Variants in TAFA1 observed in about 807,000 individuals in gnomAD.
The protein encoded by TAFA1 is TAFA chemokine like family member 1, also known as chemokine-like protein TAFA-1.
A neutral mutation model predicts 18.5 loss-of-function variants in TAFA1; 4 were observed. That is an observed-to-expected ratio of 0.22 (90% CI 0.11 to 0.49). TAFA1 has a LOEUF of 0.49. Among genes scored for constraint, TAFA1 ranks in the 20% least tolerant of loss-of-function variants. The pLI, the probability that TAFA1 is intolerant of heterozygous loss-of-function variation, is 0.98. For synonymous variants in TAFA1, 56 were observed against 55.2 expected (o/e 1.01, Z -0.06); for missense variants, 147 against 169.0 (o/e 0.87, Z 0.72).
intron 2 of TAFA1, among the ~76,000 whole-genome samples, chr3:68,236,900 G>A (rs1047599882): frequency 2.0e-5 from 3 of 152,142 alleles, no homozygotes; most frequent in African/African-American, 7.2e-5. Flanking sequence ...ATCAATAAGA[G>A]CTCATAAAAC....
At chr3:68,544,392 A>T in intron 4 of TAFA1, 94 bp from the exon 5 acceptor site, 4 of 1,286,126 alleles carry the variant, frequency 3.1e-6, no homozygotes, top group South Asian at 1.3e-5. Context: ...CATCCTAAAG[A>T]TTCAAGGTGT....
At chr3:68,331,423 T>C (rs2068867654) in intron 2 of TAFA1, among the ~76,000 whole-genome samples, 4 of 152,194 alleles carry the variant, frequency 2.6e-5, no homozygotes. Context: ...TTTTATATGA[T>C]GAATTTTATA....
intron 2 of TAFA1, 29 bp from the exon 3 acceptor site, chr3:68,417,251 C>A: frequency 6.2e-7 from 1 of 1,607,464 alleles, no homozygotes; most frequent in South Asian, 1.1e-5. Flanking sequence ...TATTTCTAAT[C>A]AGTGTCCCTG....
intron 3 of TAFA1, among the ~76,000 whole-genome samples, chr3:68,440,545 T>C (rs1057271691): frequency 4.6e-5 from 7 of 152,184 alleles, no homozygotes; most frequent in Non-Finnish European, 1.0e-4. Context: ...TGGTCATAGC[T>C]GGTATTAATG....
At chr3:68,023,978 T>G (rs1193956073) in intron 2 of TAFA1, among the ~76,000 whole-genome samples, 2 of 152,270 alleles carry the variant, frequency 1.3e-5, no homozygotes, top group Non-Finnish European at 2.9e-5. Flanking sequence ...CATTTGTGAA[T>G]CTAATCTGTG....
chr3:68,274,445 C>A (rs1000854433), intron 2 of TAFA1, among the ~76,000 whole-genome samples: 1 of 152,176 alleles, frequency 6.6e-6, no homozygotes, highest in Non-Finnish European at 1.5e-5. Flanking sequence ...AGCCAAAGTT[C>A]ATTTCTGCCT....
chr3:68,029,756 T>G (rs1194408102), intron 2 of TAFA1, among the ~76,000 whole-genome samples: 1 of 152,238 alleles, frequency 6.6e-6, no homozygotes, highest in South Asian at 2.1e-4. Flanking sequence ...TAATTTATTC[T>G]GAAAGTATTT....
intron 2 of TAFA1, among the ~76,000 whole-genome samples, chr3:68,226,476 T>A (rs1228564681): frequency 6.6e-6 from 1 of 152,094 alleles, no homozygotes; most frequent in Non-Finnish European, 1.5e-5. Context: ...CATACTCCCA[T>A]GTCTGTCATG....
At chr3:68,048,375 T>C (rs2064420375) in intron 2 of TAFA1, among the ~76,000 whole-genome samples, 1 of 152,096 alleles carries the variant, frequency 6.6e-6, no homozygotes, top group South Asian at 2.1e-4. Context: ...TATTTTGATA[T>C]GGGCATACAA....
chr3:68,446,214 A>G (rs2071472293), intron 3 of TAFA1, among the ~76,000 whole-genome samples: 1 of 151,990 alleles, frequency 6.6e-6, no homozygotes, highest in Non-Finnish European at 1.5e-5. Flanking sequence ...GCCTATTTTT[A>G]TACATAAAGT....
intron 2 of TAFA1, among the ~76,000 whole-genome samples, chr3:68,243,586 C>T (rs748827143): frequency 6.6e-5 from 10 of 151,948 alleles, no homozygotes; most frequent in Non-Finnish European, 1.5e-4. Context: ...TTTCATGCAG[C>T]GTAATTTCCT....
chr3:68,524,947 A>C (rs539928457), intron 3 of TAFA1, among the ~76,000 whole-genome samples: 27 of 152,318 alleles, frequency 1.8e-4, no homozygotes, highest in South Asian at 8.3e-4. Context: ...CTGGGATTAC[A>C]GGCGTGAGCC....
At chr3:68,022,809 T>TTA (rs72063200) in intron 2 of TAFA1, among the ~76,000 whole-genome samples, 15 of 117,482 alleles carry the variant, frequency 1.3e-4, no homozygotes, top group African/African-American at 1.9e-4. Context: ...TGTATAAGAT[T>TTA]TATATATATA....
intron 2 of TAFA1, among the ~76,000 whole-genome samples, chr3:68,393,366 A>T (rs1337541840): frequency 6.6e-6 from 1 of 151,108 alleles, no homozygotes; most frequent in East Asian, 1.9e-4. Flanking sequence ...AGTAATTAAT[A>T]GCCTACCAAT....
At chr3:68,115,676 T>C (rs2065316820) in intron 2 of TAFA1, among the ~76,000 whole-genome samples, 1 of 152,138 alleles carries the variant, frequency 6.6e-6, no homozygotes, top group Non-Finnish European at 1.5e-5. Flanking sequence ...TGTCTCTCAG[T>C]TTTGCAGACC....
chr3:68,089,446 A>C (rs1356618304), intron 2 of TAFA1, among the ~76,000 whole-genome samples: 1 of 152,176 alleles, frequency 6.6e-6, no homozygotes, highest in Non-Finnish European at 1.5e-5. Flanking sequence ...AAACATGAAC[A>C]CTCTTTAAAT....
chr3:68,335,602 G>A (rs2068956477), intron 2 of TAFA1, among the ~76,000 whole-genome samples: 1 of 152,074 alleles, frequency 6.6e-6, no homozygotes, highest in Non-Finnish European at 1.5e-5. Flanking sequence ...TAATTGGAGA[G>A]GATATCCTAT....
intron 2 of TAFA1, among the ~76,000 whole-genome samples, chr3:68,159,333 A>G (rs557970046): frequency 6.6e-6 from 1 of 152,266 alleles, no homozygotes; most frequent in Non-Finnish European, 1.5e-5. Flanking sequence ...CCATGAGCCT[A>G]TTAAAATTCC....
intron 2 of TAFA1, among the ~76,000 whole-genome samples, chr3:68,413,614 T>C (rs1295044744): frequency 2.0e-5 from 3 of 152,178 alleles, no homozygotes; most frequent in Non-Finnish European, 4.4e-5. Flanking sequence ...TTGATAATAA[T>C]ATGTGAGACA....
Sources: gnomAD v4.1 joint callset for allele counts (sites outside exome capture counted in the v4.1 genomes callset) on GRCh38, gnomAD v4.1.1 for gene constraint, MANE v1.5 for transcripts, NCBI Gene and HGNC (gene_info 2026-07-23, HGNC 2026-07-21) for gene names.